Variants in ELAVL2 observed in about 807,000 individuals in gnomAD.
The protein encoded by ELAVL2 is ELAV-like protein 2.
A neutral mutation model predicts 34.6 loss-of-function variants in ELAVL2; 4 were observed. The observed-to-expected ratio is 0.12, with a 90% CI of 0.06 to 0.26. The LOEUF is 0.26. ELAVL2 is among the 10% of genes least tolerant of loss of function. ELAVL2 has a pLI of 1.00. For synonymous variants in ELAVL2, 193 were observed against 154.8 expected, an observed-to-expected ratio of 1.25 and a Z score of -1.83; for missense variants, 432 against 442.8, an observed-to-expected ratio of 0.98 and a Z score of 0.22.
At chr9:23,769,500 T>C (rs561372249) in intron 1 of ELAVL2, among the ~76,000 whole-genome samples, 2 of 152,320 alleles carry the variant, frequency 1.3e-5, no homozygotes, top group East Asian at 3.9e-4. Flanking sequence ...AGGCTAACAA[T>C]GTCAGTTACA....
At position 23,746,932 on chromosome 9, in the gene ELAVL2, C is replaced by T. The variant is rs533465489; in HGVS notation, c.229+15074G>A. On this transcript the variant is annotated intron_variant, in intron 2 of 6. Transcript: ENST00000397312. The stretch of plus-strand genomic sequence containing the variant: ...CATTAGTGGACCAGACTATACTTTA[C>T]ATCTTCGCTCAACAAAACAAGCACC... Among the ~76,000 whole-genome samples, 48 of 151,978 alleles carry T rather than the reference C, an allele frequency of 3.2e-4. 1 individual carries two copies. The highest frequency in any genetic ancestry group is 5.3e-4 in the Non-Finnish European group (36 of 67,956).
intron 1 of ELAVL2, among the ~76,000 whole-genome samples, chr9:23,774,308 A>C (rs1240227822): frequency 6.6e-6 from 1 of 150,964 alleles, no homozygotes; most frequent in Non-Finnish European, 1.5e-5. Context: ...TCTTCCCCCC[A>C]CATCTAAATG....
In ELAVL2 at chr9:23,779,293, T is replaced by C. The variant is rs942221541; in HGVS notation, c.-15-17044A>G. 5 of 985,324 alleles carry C rather than the reference T, an allele frequency of 5.1e-6. No homozygotes were observed. The Admixed American group carries it at 2.5e-4, about 48-fold the overall frequency. The allele number at this position is 985,324 out of a possible 1,614,324, so 61.0% of individuals were successfully genotyped here. ...CCAGTAGAATCCCATGAAAACCTGCTTCACACTGGCAAAGTGGGCAGACAG... is the reference window on the plus strand; with the variant it reads ...CCAGTAGAATCCCATGAAAACCTGCCTCACACTGGCAAAGTGGGCAGACAG... On this transcript the variant is annotated intron_variant, in intron 1 of 6. Transcript: ENST00000397312.
At chr9:23,748,330 G>A (rs574398630) in intron 2 of ELAVL2, among the ~76,000 whole-genome samples, 14 of 152,262 alleles carry the variant, frequency 9.2e-5, no homozygotes, top group South Asian at 4.1e-4. Context: ...GTGAGGTAAC[G>A]AGAAGTAGTC....
chr9:23,818,756 G>C (rs2064092268), intron 1 of ELAVL2, among the ~76,000 whole-genome samples: 1 of 152,196 alleles, frequency 6.6e-6, no homozygotes, highest in Non-Finnish European at 1.5e-5. Context: ...GACATCAAAT[G>C]GGAGCGAAAA....
intron 3 of ELAVL2, among the ~76,000 whole-genome samples, chr9:23,714,523 A>T (rs1050262562): frequency 2.0e-5 from 3 of 152,230 alleles, no homozygotes; most frequent in Admixed American, 6.5e-5. Context: ...CAACATCTAT[A>T]AATGGGCCAA....
chr9:23,808,181 A>G (rs2062495025), intron 1 of ELAVL2, among the ~76,000 whole-genome samples: 1 of 151,990 alleles, frequency 6.6e-6, no homozygotes, highest in Non-Finnish European at 1.5e-5. Flanking sequence ...GTAGCTAGGA[A>G]GGAAATCAAC....
intron 1 of ELAVL2, among the ~76,000 whole-genome samples, chr9:23,819,453 C>G (rs776391956): frequency 1.3e-4 from 20 of 152,242 alleles, no homozygotes; most frequent in Non-Finnish European, 2.4e-4. Context: ...TAGACACTGA[C>G]CAGCAGTGGG....
chr9:23,794,907 C>A (rs2060731429), intron 1 of ELAVL2, among the ~76,000 whole-genome samples: 1 of 152,018 alleles, frequency 6.6e-6, no homozygotes, highest in African/African-American at 2.4e-5. Flanking sequence ...ATATACAGCT[C>A]CTAGAAAAAT....
the ELAVL2 span, among the ~76,000 whole-genome samples, chr9:23,836,813 T>A: frequency 6.6e-6 from 1 of 152,132 alleles, no homozygotes; most frequent in Non-Finnish European, 1.5e-5. Context: ...TTGGGTATTG[T>A]GGTACCACAT....
intron 1 of ELAVL2, among the ~76,000 whole-genome samples, chr9:23,790,517 A>T (rs2060208278): frequency 6.6e-6 from 1 of 152,182 alleles, no homozygotes; most frequent in Non-Finnish European, 1.5e-5. Flanking sequence ...GAAGGAAGTG[A>T]AATAGTATCC....
At chr9:23,707,788 T>C (rs541128831) in intron 3 of ELAVL2, among the ~76,000 whole-genome samples, 2 of 152,232 alleles carry the variant, frequency 1.3e-5, no homozygotes, top group Non-Finnish European at 2.9e-5. Context: ...CTAATCTATG[T>C]GACATTATAA....
chr9:23,709,634 T>C (rs2040396598), intron 3 of ELAVL2, among the ~76,000 whole-genome samples: 1 of 152,200 alleles, frequency 6.6e-6, no homozygotes, highest in Non-Finnish European at 1.5e-5. Context: ...TTCAAAACAA[T>C]GGACTTCCAG....
At chr9:23,813,267 C>T (rs781102440) in intron 1 of ELAVL2, among the ~76,000 whole-genome samples, 23 of 152,052 alleles carry the variant, frequency 1.5e-4, no homozygotes, top group African/African-American at 9.7e-5. Flanking sequence ...GTCTGCTCTA[C>T]GGCACACATA....
At chr9:23,793,243 T>C (rs750883856) in intron 1 of ELAVL2, among the ~76,000 whole-genome samples, 2 of 152,164 alleles carry the variant, frequency 1.3e-5, no homozygotes, top group Non-Finnish European at 2.9e-5. Context: ...CTCTGCCACA[T>C]ACTGATTTTA....
chr9:23,704,574 AAAAG>A (rs1258895102), intron 4 of ELAVL2, among the ~76,000 whole-genome samples: 2 of 152,182 alleles, frequency 1.3e-5, no homozygotes, highest in Non-Finnish European at 2.9e-5. Flanking sequence ...GCTTTTTGAC[AAAAG>A]AAAGGTTGTT....
Position 23,690,156 on chromosome 9 carries a change from T to A in ELAVL2, c.*2401A>T, listed in dbSNP as rs551007555. On this transcript the variant is annotated 3_prime_UTR_variant, in exon 7 of 7. Coordinates refer to ENST00000397312, the MANE Select transcript of ELAVL2 (RefSeq NM_004432.5). ...ACTGAACATGAAAAAGTACAAAGAA[T>A]CCAAACACAAAAGAAAACATGTACA... 2.0e-5 allele frequency: 3 copies of A among 152,662 alleles called. No individual in the cohort carries two copies. Among genetic ancestry groups the A allele is most frequent in the African/African-American group, 7.2e-5 (3 of 41,548 alleles). The allele number at this position is 152,662 out of a possible 1,614,324, so 9.5% of individuals were successfully genotyped here. A position where few individuals can be genotyped will look rare whatever the true frequency, so the allele number is the denominator to read the frequency against.
chr9:23,697,475 T>TG (rs1268758474), intron 5 of ELAVL2, among the ~76,000 whole-genome samples: 2 of 152,200 alleles, frequency 1.3e-5, no homozygotes, highest in African/African-American at 4.8e-5. Flanking sequence ...TTAATACAGA[T>TG]TGTCTCATCT....
intron 1 of ELAVL2, among the ~76,000 whole-genome samples, chr9:23,795,674 G>C (rs1377933387): frequency 6.6e-6 from 1 of 152,170 alleles, no homozygotes; most frequent in Admixed American, 6.5e-5. Flanking sequence ...ACCTCTTACA[G>C]AGAAGAAATT....
Sources: allele counts gnomAD v4.1 joint callset (sites outside exome capture counted in the v4.1 genomes callset), GRCh38; gene constraint gnomAD v4.1.1; transcripts MANE v1.5; gene names NCBI Gene and HGNC (gene_info 2026-07-23, HGNC 2026-07-21).